The following TRIM2 variants were observed in gnomAD, a reference collection of about 807,000 sequenced individuals.
TRIM2 encodes the protein tripartite motif containing 2, also known as tripartite motif-containing protein 2.
Under a neutral mutation model 75.2 loss-of-function variants are expected in TRIM2, and 20 were observed. The ratio of observed to expected loss-of-function variants is 0.27; its 90% CI spans 0.19 to 0.39. The LOEUF is 0.39. TRIM2 is among the 10% of genes least tolerant of loss of function. TRIM2 has a pLI of 1.00. For synonymous variants in TRIM2, 373 were observed against 388.3 expected (o/e 0.96, Z 0.46); for missense variants, 660 against 990.8 (o/e 0.67, Z 4.48).
intron 3 of TRIM2, among the ~76,000 whole-genome samples, chr4:153,282,462 G>T (rs181125015): frequency 6.6e-6 from 1 of 152,156 alleles, no homozygotes; most frequent in African/African-American, 2.4e-5. Flanking sequence ...GGAGGCCAAG[G>T]CAGGAGGATC....
intron 1 of TRIM2, among the ~76,000 whole-genome samples, chr4:153,216,893 C>A (rs1199518540): frequency 6.6e-6 from 1 of 152,194 alleles, no homozygotes; most frequent in African/African-American, 2.4e-5. Context: ...AAGGCACCAA[C>A]CTCTTAATAC....
intron 1 of TRIM2, among the ~76,000 whole-genome samples, chr4:153,174,682 C>T (rs760758805): frequency 1.3e-5 from 2 of 152,172 alleles, no homozygotes; most frequent in Non-Finnish European, 2.9e-5. Context: ...TTATGTTTCT[C>T]TTTATTATAA....
At position 153,322,741 on chromosome 4, in the gene TRIM2, G is replaced by T. The variant is rs759524701; in HGVS notation, c.1876G>T (p.Val626Leu). 6.2e-7 allele frequency: 1 copy of T among 1,614,214 alleles called. No individual in the cohort carries two copies. Among genetic ancestry groups the T allele is most frequent in the Non-Finnish European group, 8.5e-7 (1 of 1,180,040 alleles). ...TGTTGTGGACAACAAGGCGTGCTGCGTGTTTATCTTCCAGCCAAACGGGAA... is the reference window on the plus strand; with the variant it reads ...TGTTGTGGACAACAAGGCGTGCTGCTTGTTTATCTTCCAGCCAAACGGGAA... ...IIVVDNKACC[V>L]FIFQPNGKIV... The change falls in exon 9 of 12, where the codon GTG (valine) becomes TTG (leucine). Residue 626 changes from valine to leucine, a missense_variant. Coordinates refer to ENST00000338700, the MANE Select transcript of TRIM2 (RefSeq NM_015271.5).
In TRIM2 at chr4:153,301,147, C is replaced by T. The variant is rs187137697; in HGVS notation, c.1510+5111C>T. ...CAGAGGCTGCAGTGAGCCAAGATCGCGCCACTACATTCCAGCCTGAGTGAC... is the reference window on the plus strand; with the variant it reads ...CAGAGGCTGCAGTGAGCCAAGATCGTGCCACTACATTCCAGCCTGAGTGAC... On this transcript the variant is annotated intron_variant, in intron 6 of 11. Transcript: ENST00000338700. Among the ~76,000 whole-genome samples the T allele has an allele frequency of 6.1e-3, 925 of 151,312 alleles. 6 individuals carry two copies. Among genetic ancestry groups the T allele is most frequent in the African/African-American group, 0.021 (845 of 41,154 alleles).
chr4:153,322,284 G>A (rs186300731), intron 8 of TRIM2, among the ~76,000 whole-genome samples: 23 of 152,244 alleles, frequency 1.5e-4, no homozygotes, highest in Admixed American at 3.3e-4. Context: ...GGTGGTGCAC[G>A]CCTGTAGTCC....
intron 1 of TRIM2, among the ~76,000 whole-genome samples, chr4:153,234,654 T>G (rs1744536363): frequency 6.6e-6 from 1 of 152,220 alleles, no homozygotes; most frequent in South Asian, 2.1e-4. Context: ...ATAAGTTACC[T>G]ACTCTGTATG....
At position 153,270,483 on chromosome 4, in the gene TRIM2, C is replaced by T; in HGVS notation, c.179C>T (p.Pro60Leu). 6.2e-7 allele frequency: 1 copy of T among 1,612,816 alleles called. No individual in the cohort carries two copies. Among genetic ancestry groups the T allele is most frequent in the Non-Finnish European group, 8.5e-7 (1 of 1,179,498 alleles). The change falls in exon 2 of 12, where the codon CCC becomes CTC. Residue 60 changes from proline (P) to leucine (L), a missense_variant. This residue lies in a region of TRIM2 where 620 missense variants were observed against 891.0 expected (regional missense o/e 0.70). Coordinates refer to ENST00000338700, the MANE Select transcript of TRIM2 (RefSeq NM_015271.5). The stretch of plus-strand genomic sequence containing the variant: ...ATATGCCTGGAACGGTACAAGAATC[C>T]CAAGGTTCTCCCCTGTCTGCACACT... ...CSICLERYKN[P>L]KVLPCLHTFC... is the part of the protein sequence containing the mutation.
chr4:153,265,179 A>G (rs767224394), intron 1 of TRIM2, among the ~76,000 whole-genome samples: 6 of 152,044 alleles, frequency 3.9e-5, no homozygotes, highest in Non-Finnish European at 8.8e-5. Context: ...AAAAGGAATA[A>G]AGTCCAATAT....
rs759245727 is a variant in TRIM2, at chr4:153,248,713, G to A, written c.31-21622G>A. On this transcript the variant is annotated intron_variant, in intron 1 of 11. Transcript: ENST00000338700. This position sits in a 1 kb window ranked among gnomAD's most constrained non-coding sequence, Gnocchi z 4.0. ...ACTTTCATCATAGGATTCTAATCGT[G>A]GATGAAAGTGACCCTGAGTTGTAGT... 6.6e-6 allele frequency among the ~76,000 whole-genome samples: 1 copy of A among 152,212 alleles called. No individual in the cohort carries two copies. Among genetic ancestry groups the A allele is most frequent in the African/African-American group, 2.4e-5 (1 of 41,446 alleles).
chr4:153,317,853 G>T (rs562330502), intron 8 of TRIM2, among the ~76,000 whole-genome samples: 7 of 152,080 alleles, frequency 4.6e-5, no homozygotes, highest in Non-Finnish European at 1.0e-4. Context: ...CCAGCCACTT[G>T]GGAGGCTGAG....
intron 1 of TRIM2, among the ~76,000 whole-genome samples, chr4:153,190,168 C>G (rs1733035288): frequency 6.6e-6 from 1 of 152,100 alleles, no homozygotes; most frequent in African/African-American, 2.4e-5. Flanking sequence ...GCTAGTGATT[C>G]AAGAATGAAG....
Position 153,303,126 on chromosome 4 carries a change from A to G in TRIM2, c.1510+7090A>G, listed in dbSNP as rs147914074. 6.8e-3 allele frequency among the ~76,000 whole-genome samples: 1,029 copies of G among 152,262 alleles called. 12 individuals are homozygous for G. Among genetic ancestry groups the G allele is most frequent in the African/African-American group, 0.023 (968 of 41,532 alleles). ...CTAAGAACTTGGCTTTTCAACATCC[A>G]TACCTTTGACTACAAATCAGTAGAG... On this transcript the variant is annotated intron_variant, in intron 6 of 11. Transcript: ENST00000338700.
intron 5 of TRIM2, 116 bp downstream of exon 5, chr4:153,294,601 A>G: frequency 1.8e-6 from 2 of 1,099,566 alleles, no homozygotes; most frequent in East Asian, 2.7e-5. Context: ...ATAGTAAACT[A>G]TAGTTTTCAC....
chr4:153,183,554 G>A (rs1732285878), intron 1 of TRIM2, among the ~76,000 whole-genome samples: 1 of 152,138 alleles, frequency 6.6e-6, no homozygotes, highest in Non-Finnish European at 1.5e-5. Flanking sequence ...GGGTGCTATG[G>A]GACCAGGTTC....
rs1734883469 is a variant in TRIM2 at position 153,204,615 on chromosome 4, C to T, written c.30+55C>T. On this transcript the variant is annotated intron_variant, in intron 1 of 11. Coordinates refer to ENST00000338700, the MANE Select transcript of TRIM2 (RefSeq NM_015271.5). ...CTTTTTCTGGGCCAGCTGGTTAATC[C>T]GGGGCTGGGAGAAACAAGTTGTGAT... 12 of 1,549,042 alleles carry T rather than the reference C, an allele frequency of 7.7e-6. No homozygotes were observed. In the Admixed American group the frequency reaches 1.4e-4, roughly 18 times the overall value.
At chr4:153,285,507 T>C (rs531796755) in intron 3 of TRIM2, among the ~76,000 whole-genome samples, 1 of 152,116 alleles carries the variant, frequency 6.6e-6, no homozygotes, top group Admixed American at 6.6e-5. Context: ...TGGATTTTTT[T>C]AAAAAAATAG....
chr4:153,180,521 G>C (rs1178475647), intron 1 of TRIM2, among the ~76,000 whole-genome samples: 2 of 151,760 alleles, frequency 1.3e-5, no homozygotes, highest in Admixed American at 1.3e-4. Context: ...TTTGTTTTTT[G>C]AGACAGAGTC....
intron 5 of TRIM2, 65 bp downstream of exon 5, chr4:153,294,550 T>C: frequency 2.0e-6 from 3 of 1,529,300 alleles, no homozygotes; most frequent in Non-Finnish European, 2.7e-6. Context: ...TAGCTTATTG[T>C]TTCCTAATAG....
At chr4:153,155,484 C>T (rs1285061438) in intron 1 of TRIM2, among the ~76,000 whole-genome samples, 2 of 151,876 alleles carry the variant, frequency 1.3e-5, no homozygotes, top group African/African-American at 2.4e-5. Flanking sequence ...CTAAAAGAAC[C>T]GAGGCTGTTT....
Sources: allele counts gnomAD v4.1 joint callset (sites outside exome capture counted in the v4.1 genomes callset), GRCh38; gene constraint gnomAD v4.1.1; regional missense constraint gnomAD v4.1.1; non-coding constraint Gnocchi (gnomAD v3.1); transcripts MANE v1.5; gene names NCBI Gene and HGNC (gene_info 2026-07-23, HGNC 2026-07-21).